The following MCTS1 variants were observed in gnomAD, a reference collection of about 807,000 sequenced individuals.
MCTS1 encodes MCTS1 re-initiation and release factor, also known as malignant T-cell-amplified sequence 1.
For synonymous variants in MCTS1, 26 were observed against 40.8 expected (o/e 0.64, Z 1.38); for missense variants, 55 against 128.6 (o/e 0.43, Z 2.77).
intron 3 of MCTS1, among the ~76,000 whole-genome samples, chrX:120,607,372 T>C (rs1431160933): frequency 8.9e-6 from 1 of 111,900 alleles, no homozygotes; most frequent in Non-Finnish European, 1.9e-5. Flanking sequence ...GAGTAAATCA[T>C]TGTTAAATAT....
chrX:120,612,430 A>G lies in MCTS1; in HGVS notation c.*166A>G. 1 of 430,102 alleles carries G rather than the reference A, an allele frequency of 2.3e-6. No individual in the cohort carries two copies. The highest frequency in any genetic ancestry group is 4.0e-6 in the Non-Finnish European group (1 of 250,541). 35.4% of individuals were successfully genotyped at this position (430,102 alleles called of 1,213,427 possible). A position where few individuals can be genotyped will look rare whatever the true frequency, so the allele number is the denominator to read the frequency against. ...ATTATTTTAAGTTTTCTTAAACTCA[A>G]GTTAAAATTGGGTAGCAAACTTGGA... is the stretch of plus-strand genomic sequence containing the variant. On this transcript the variant is annotated 3_prime_UTR_variant, in exon 6 of 6. Transcript: ENST00000371317.
chrX:120,608,213 C>G lies in MCTS1; in HGVS notation c.263-12C>G. ...GTCTTATTATTAATATATTGTATAT[C>G]TTTTCTTACAGATCCTTTTATCCTG... On this transcript the variant is annotated splice_polypyrimidine_tract_variant and intron_variant, in intron 3 of 5. Coordinates refer to ENST00000371317, the MANE Select transcript of MCTS1 (RefSeq NM_014060.3). 8.5e-7 allele frequency: 1 copy of G among 1,173,991 alleles called. No homozygotes were observed. The highest frequency in any genetic ancestry group is 1.1e-6 in the Non-Finnish European group (1 of 869,787).
chrX:120,606,055 T>C, intron 2 of MCTS1, 24 bp from the exon 3 acceptor site: 2 of 907,062 alleles, frequency 2.2e-6, no homozygotes, highest in Non-Finnish European at 3.1e-6. Flanking sequence ...TCTAACTTGG[T>C]ACTTTGTGAC....
Position 120,618,079 on chromosome X carries a change from G to T in MCTS1, c.*5815G>T. Among the ~76,000 whole-genome samples the T allele has an allele frequency of 8.9e-6, 1 of 112,578 alleles. No individual in the cohort carries two copies. The highest frequency in any genetic ancestry group is 2.8e-4 in the East Asian group (1 of 3,611). On this transcript the variant is annotated 3_prime_UTR_variant, in exon 6 of 6. Transcript: ENST00000371317. ...TGCTGATGCATAATGAAGCCCTGAG[G>T]CTTGGAAACTTGCAAACCAATAAGA... is the stretch of plus-strand genomic sequence containing the variant.
At chrX:120,610,625 A>C (rs1339339335) in intron 4 of MCTS1, among the ~76,000 whole-genome samples, 1 of 112,422 alleles carries the variant, frequency 8.9e-6, no homozygotes, top group Non-Finnish European at 1.9e-5. Flanking sequence ...GAACAAACAA[A>C]AATCCCCACT....
chrX:120,606,821 T>G (rs1926550732), intron 3 of MCTS1, among the ~76,000 whole-genome samples: 1 of 109,663 alleles, frequency 9.1e-6, no homozygotes, highest in South Asian at 3.9e-4. Context: ...AAATATTTAT[T>G]GAACTTACTA....
intron 1 of MCTS1, 67 bp from the exon 2 acceptor site, chrX:120,605,340 A>G: frequency 1.0e-6 from 1 of 958,429 alleles, no homozygotes; most frequent in East Asian, 3.3e-5. Flanking sequence ...TTAGAACAGT[A>G]CCTTTAGGTA....
chrX:120,612,393 T>C lies in MCTS1; in HGVS notation c.*129T>C. The C allele has an allele frequency of 2.0e-6, 1 of 496,359 alleles. No homozygotes were observed. 40.9% of individuals were successfully genotyped at this position (496,359 alleles called of 1,213,427 possible). ...AAATTCACCAGATGCTAAAATTCTG[T>C]TAGCTTCAGAAATTATTTTAAGTTT... On this transcript the variant is annotated 3_prime_UTR_variant, in exon 6 of 6. Coordinates refer to ENST00000371317, the MANE Select transcript of MCTS1 (RefSeq NM_014060.3).
At chrX:120,605,675 G>A (rs1926514167) in intron 2 of MCTS1, 116 bp downstream of exon 2, 1 of 716,168 alleles carries the variant, frequency 1.4e-6, no homozygotes, top group South Asian at 3.5e-5. Flanking sequence ...TTAATAATGG[G>A]GTAGACACAG....
rs1926962492 is a variant in MCTS1 at position 120,619,785 on chromosome X, G to GT, written c.*7524dup. On this transcript the variant is annotated 3_prime_UTR_variant, in exon 6 of 6. Transcript: ENST00000371317. ...TGTGTGGCTGGAGTAATGTTTTTCT[G>GT]TTTCCCTCTTAGCAAAGTGGAGTGG... is the stretch of plus-strand genomic sequence containing the variant. 9.0e-6 allele frequency among the ~76,000 whole-genome samples: 1 copy of GT among 111,506 alleles called. No homozygotes were observed. Among genetic ancestry groups the GT allele is most frequent in the Non-Finnish European group, 1.9e-5 (1 of 53,158 alleles).
chrX:120,604,321 T>C lies in MCTS1; in HGVS notation c.11+74T>C, dbSNP rs760563207. The stretch of plus-strand genomic sequence containing the variant: ...TGGGGGTGGGGAAGAGGGCGAGAGC[T>C]AAGATCCTCTTTCTCTCTCCCCCGC... On this transcript the variant is annotated intron_variant, in intron 1 of 5. Transcript: ENST00000371317. The C allele has an allele frequency of 8.7e-6, 10 of 1,153,175 alleles. No homozygotes were observed. In the South Asian group the frequency reaches 1.8e-4, roughly 21 times the overall value.
In MCTS1 at chrX:120,620,103, A is replaced by C. The variant is rs1160145964; in HGVS notation, c.*7839A>C. On this transcript the variant is annotated 3_prime_UTR_variant, in exon 6 of 6. Coordinates refer to ENST00000371317, the MANE Select transcript of MCTS1 (RefSeq NM_014060.3). Reference sequence around the variant, plus strand: ...AAGGTGGGCGGATCACGAGGTCAGGAGATCGAGACCATCCTGGCTAACGTG... The same window carrying C: ...AAGGTGGGCGGATCACGAGGTCAGGCGATCGAGACCATCCTGGCTAACGTG... Among the ~76,000 whole-genome samples the C allele has an allele frequency of 9.0e-6, 1 of 110,602 alleles. No individual in the cohort carries two copies. Among genetic ancestry groups the C allele is most frequent in the Non-Finnish European group, 1.9e-5 (1 of 52,920 alleles).
At position 120,612,519 on chromosome X, in the gene MCTS1, T is replaced by TA; in HGVS notation, c.*256dup. 1 of 256,933 alleles carries TA rather than the reference T, an allele frequency of 3.9e-6. No homozygotes were observed. The highest frequency in any genetic ancestry group is 6.9e-6 in the Non-Finnish European group (1 of 144,950). 21.2% of individuals were successfully genotyped at this position (256,933 alleles called of 1,213,427 possible). On this transcript the variant is annotated 3_prime_UTR_variant, in exon 6 of 6. Transcript: ENST00000371317. ...CTAATGTCCTTTCTTAGGCTAATGATATAAGAGTGAAGAGCAGGACTTGGT... is the reference window on the plus strand; with the variant it reads ...CTAATGTCCTTTCTTAGGCTAATGATAATAAGAGTGAAGAGCAGGACTTGGT...
chrX:120,614,309 G>T lies in MCTS1; in HGVS notation c.*2045G>T, dbSNP rs979058565. Among the ~76,000 whole-genome samples the T allele has an allele frequency of 2.1e-4, 24 of 112,305 alleles. No individual in the cohort carries two copies. The highest frequency in any genetic ancestry group is 7.1e-4 in the African/African-American group (22 of 30,929). On this transcript the variant is annotated 3_prime_UTR_variant, in exon 6 of 6. Transcript: ENST00000371317. ...GAAGTTACTTGGTAAACACAGGTAT[G>T]AGCAAAGGAAGATTGATAAATTGGG... is the stretch of plus-strand genomic sequence containing the variant.
chrX:120,606,784 CAA>C (rs763945946), intron 3 of MCTS1, among the ~76,000 whole-genome samples: 20 of 38,510 alleles, frequency 5.2e-4, no homozygotes, highest in African/African-American at 2.0e-3. Context: ...GACTTAGTCT[CAA>C]AAAAAAAAAA....
At position 120,616,422 on chromosome X, in the gene MCTS1, G is replaced by A. The variant is rs930079345; in HGVS notation, c.*4158G>A. ...CACTTTTTAAGGCAGGTAAAAGAAT[G>A]AGTAGATGTTATCAACTATAACAAC... On this transcript the variant is annotated 3_prime_UTR_variant, in exon 6 of 6. Transcript: ENST00000371317. Among the ~76,000 whole-genome samples the A allele has an allele frequency of 4.5e-5, 5 of 111,850 alleles. No individual in the cohort carries two copies. The highest frequency in any genetic ancestry group is 1.6e-4 in the African/African-American group (5 of 30,798).
chrX:120,610,896 CAA>C lies in MCTS1; in HGVS notation c.397-114_397-113del, dbSNP rs916008124. The stretch of plus-strand genomic sequence containing the variant: ...GGAGTTAATGGTCTAGGAGAAGACA[CAA>C]GAGGGGTTCCAAGTGGCTTAACTAG... On this transcript the variant is annotated intron_variant, in intron 4 of 5. Coordinates refer to ENST00000371317, the MANE Select transcript of MCTS1 (RefSeq NM_014060.3). 10 of 723,274 alleles carry C rather than the reference CAA, an allele frequency of 1.4e-5. No homozygotes were observed. The Admixed American group carries it at 1.9e-4, about 14-fold the overall frequency. 59.6% of individuals were successfully genotyped at this position (723,274 alleles called of 1,213,427 possible). A position where few individuals can be genotyped will look rare whatever the true frequency, so the allele number is the denominator to read the frequency against.
rs1309855772 is a variant in MCTS1, at chrX:120,619,884, G to A, written c.*7620G>A. The stretch of plus-strand genomic sequence containing the variant: ...TAGTCACTTTCAAGCCAGGTGATTT[G>A]TGACCATTTAAATGTTATGCTATTT... On this transcript the variant is annotated 3_prime_UTR_variant, in exon 6 of 6. Transcript: ENST00000371317. Among the ~76,000 whole-genome samples, 1 of 112,028 alleles carries A rather than the reference G, an allele frequency of 8.9e-6. No homozygotes were observed. Among genetic ancestry groups the A allele is most frequent in the Non-Finnish European group, 1.9e-5 (1 of 53,275 alleles).
In MCTS1 at chrX:120,611,043, A is replaced by G. The variant is rs1342284625; in HGVS notation, c.429A>G (p.Leu143=). 1 of 1,211,764 alleles carries G rather than the reference A, an allele frequency of 8.3e-7. No homozygotes were observed. Among genetic ancestry groups the G allele is most frequent in the South Asian group, 1.8e-5 (1 of 56,996 alleles). Residue 143 remains leucine (L), a synonymous_variant, in exon 5 of 6, where the codon CTA becomes CTG. Transcript: ENST00000371317. ...AIMAEGKQHA[L]CVGVMKMSAE... ...TGGCAGAAGGAAAACAGCATGCTCT[A>G]TGTGTTGGAGTCATGAAGATGTCTG... is the stretch of plus-strand genomic sequence containing the variant.
Sources: allele counts gnomAD v4.1 joint callset (sites outside exome capture counted in the v4.1 genomes callset), GRCh38; gene constraint gnomAD v4.1.1; transcripts MANE v1.5; gene names NCBI Gene and HGNC (gene_info 2026-07-23, HGNC 2026-07-21).